NR4A1: variants seen among roughly 807,000 people sequenced by gnomAD.
The protein encoded by NR4A1 is nuclear receptor subfamily 4 group A member 1, also known as nuclear receptor subfamily 4immunitygroup A member 1.
A neutral mutation model predicts 47.5 loss-of-function variants in NR4A1; 24 were observed. That is an observed-to-expected ratio of 0.50 (90% CI 0.37 to 0.71). The LOEUF is 0.71. Among genes scored for constraint, NR4A1 ranks in the 30% least tolerant of loss-of-function variants. NR4A1 has a pLI of 0.00. For missense variants in NR4A1, 669 were observed against 788.6 expected (o/e 0.85, Z 1.82); for synonymous variants, 353 against 345.7 (o/e 1.02, Z -0.24).
chr12:52,047,786 C>T (rs1283153), upstream of NR4A1, among the ~76,000 whole-genome samples: 4,723 of 152,338 alleles, frequency 0.031, 89 homozygotes, highest in Middle Eastern at 0.044. Flanking sequence ...TGGTCTGTGC[C>T]ACTTTTTACA....
In NR4A1 at chr12:52,055,057, G is replaced by A. The variant is rs200619511; in HGVS notation, c.729G>A (p.Ser243=). Reference sequence around the variant, plus strand: ...CCACTTCTCCACACCTTGAGGGCTCGGGGATACTGGATACACCCGTGACCT... The same window carrying A: ...CCACTTCTCCACACCTTGAGGGCTCAGGGATACTGGATACACCCGTGACCT... The part of the protein sequence containing the change: ...LAPTSPHLEG[S]GILDTPVTST... The change falls in exon 2 of 7, where the codon TCG becomes TCA. Residue 243 remains serine (S), a synonymous_variant. Transcript: ENST00000394825. The A allele has an allele frequency of 2.9e-5, 47 of 1,614,242 alleles. No homozygotes were observed. Among genetic ancestry groups the A allele is most frequent in the Admixed American group, 1.0e-4 (6 of 60,034 alleles).
intron 1 of NR4A1, among the ~76,000 whole-genome samples, chr12:52,025,978 C>T (rs768600444): frequency 2.0e-5 from 3 of 152,242 alleles, no homozygotes; most frequent in Non-Finnish European, 4.4e-5. Context: ...CGCTAATCTG[C>T]CCTGGCAGCA....
At chr12:52,049,532 G>A (rs550204657), upstream of NR4A1, among the ~76,000 whole-genome samples, 1 of 152,338 alleles carries the variant, frequency 6.6e-6, no homozygotes, top group African/African-American at 2.4e-5. Flanking sequence ...AGTGGCTCAT[G>A]CCTATAATCC....
chr12:52,025,468 C>G (rs905705383), intron 1 of NR4A1, among the ~76,000 whole-genome samples: 2 of 152,170 alleles, frequency 1.3e-5, no homozygotes, highest in African/African-American at 4.8e-5. Context: ...ATGGCCTTTC[C>G]CCGGGTAGGG....
chr12:52,043,629 C>T (rs1316969144), intron 2 of NR4A1: 1 of 1,150,910 alleles, frequency 8.7e-7, no homozygotes, highest in East Asian at 5.9e-5. Context: ...CAGGTCCAGT[C>T]AAGAGGGCCC....
At chr12:52,056,715 A>G in intron 4 of NR4A1, 70 bp downstream of exon 4, 3 of 1,397,166 alleles carry the variant, frequency 2.1e-6, no homozygotes, top group Non-Finnish European at 2.8e-6. Flanking sequence ...GCGTGTTAGG[A>G]GAGCTACCCC....
chr12:52,028,683 A>G (rs1346225056), intron 1 of NR4A1, among the ~76,000 whole-genome samples: 1 of 152,010 alleles, frequency 6.6e-6, no homozygotes, highest in Admixed American at 6.5e-5. Flanking sequence ...AGGTGGGTGG[A>G]TTACGAGGTC....
intron 1 of NR4A1, among the ~76,000 whole-genome samples, chr12:52,023,210 G>A (rs1176140697): frequency 6.6e-6 from 1 of 152,246 alleles, no homozygotes; most frequent in Admixed American, 6.5e-5. Context: ...GCTGCAGGCT[G>A]GCCTTCAAGG....
Position 52,059,172 on chromosome 12 carries a change from C to T in NR4A1, c.*228C>T, listed in dbSNP as rs1392561557. 1.7e-6 allele frequency: 1 copy of T among 579,662 alleles called. No homozygotes were observed. Among genetic ancestry groups the T allele is most frequent in the Non-Finnish European group, 3.0e-6 (1 of 337,274 alleles). The allele number at this position is 579,662 out of a possible 1,614,324, so 35.9% of individuals were successfully genotyped here. Reference sequence around the variant, plus strand: ...TTATCCCCCCCAGCCTGGCCCCGGCCTTTATGTTTTTTGTAAGATAAACCG... The same window carrying T: ...TTATCCCCCCCAGCCTGGCCCCGGCTTTTATGTTTTTTGTAAGATAAACCG... On this transcript the variant is annotated 3_prime_UTR_variant, in exon 7 of 7. Coordinates refer to ENST00000394825, the MANE Select transcript of NR4A1 (RefSeq NM_173157.3).
At chr12:52,042,042 C>T in intron 2 of NR4A1, 2 of 1,190,300 alleles carry the variant, frequency 1.7e-6, no homozygotes, top group South Asian at 3.7e-5. Flanking sequence ...GAGGGGAAGC[C>T]CTGGGGAGGT....
upstream of NR4A1, among the ~76,000 whole-genome samples, chr12:52,049,041 A>G (rs778818325): frequency 3.3e-5 from 5 of 152,104 alleles, no homozygotes; most frequent in Non-Finnish European, 2.9e-5. Flanking sequence ...CTCTCTGCAG[A>G]TGCATTCACG....
chr12:52,051,002 A>C (rs374204224), upstream of NR4A1, among the ~76,000 whole-genome samples: 12 of 152,006 alleles, frequency 7.9e-5, no homozygotes, highest in African/African-American at 2.4e-4. Flanking sequence ...GAGTGAGGAG[A>C]TCCTCATCCG....
intron 1 of NR4A1, among the ~76,000 whole-genome samples, chr12:52,028,568 G>A (rs1237488214): frequency 2.0e-5 from 3 of 150,052 alleles, no homozygotes; most frequent in African/African-American, 7.4e-5. Context: ...GCAAGACTCC[G>A]TCTCAAACAA....
intron 1 of NR4A1, chr12:52,037,601 C>T: frequency 1.0e-6 from 1 of 985,024 alleles, no homozygotes; most frequent in Non-Finnish European, 1.2e-6. Flanking sequence ...GAACCGCTGG[C>T]TCCGAGTCAG....
intron 3 of NR4A1, 40 bp from the exon 4 acceptor site, chr12:52,056,454 C>T (rs1414224275): frequency 1.2e-6 from 2 of 1,601,546 alleles, no homozygotes; most frequent in Non-Finnish European, 1.7e-6. Context: ...GGCCCTTCCT[C>T]AGATCCCTTC....
chr12:52,056,937 C>A, intron 4 of NR4A1, 120 bp from the exon 5 acceptor site: 2 of 982,154 alleles, frequency 2.0e-6, no homozygotes, highest in Non-Finnish European at 3.0e-6. Flanking sequence ...AGAGCCTGGG[C>A]AGGATCTCAG....
At chr12:52,036,476 G>C (rs941625964) in intron 1 of NR4A1, among the ~76,000 whole-genome samples, 3 of 152,216 alleles carry the variant, frequency 2.0e-5, no homozygotes, top group Non-Finnish European at 4.4e-5. Flanking sequence ...CAGATATGGT[G>C]GATAATCTGA....
At chr12:52,051,164 G>A (rs916919760), upstream of NR4A1, among the ~76,000 whole-genome samples, 11 of 152,332 alleles carry the variant, frequency 7.2e-5, no homozygotes, top group Middle Eastern at 3.4e-3. Flanking sequence ...CGGGCGCGGC[G>A]GGCGCGAGGA....
At chr12:52,039,646 G>C (rs930253323) in intron 1 of NR4A1, among the ~76,000 whole-genome samples, 1 of 152,248 alleles carries the variant, frequency 6.6e-6, no homozygotes, top group Non-Finnish European at 1.5e-5. Context: ...CACTTACTGA[G>C]CACCTGCCAG....
Sources: allele counts gnomAD v4.1 joint callset (sites outside exome capture counted in the v4.1 genomes callset), GRCh38; gene constraint gnomAD v4.1.1; transcripts MANE v1.5; gene names NCBI Gene and HGNC (gene_info 2026-07-23, HGNC 2026-07-21).